The following LRBA variants were observed in gnomAD, a reference collection of about 807,000 sequenced individuals.
LRBA encodes LPS responsive beige-like anchor protein, also known as lipopolysaccharide-responsive and beige-like anchor protein.
In LRBA, 176 loss-of-function variants were observed where a neutral mutation model predicts 330.0. The ratio of observed to expected loss-of-function variants is 0.53; its 90% CI spans 0.47 to 0.60. The LOEUF is 0.60. LRBA is among the 20% of genes least tolerant of loss of function. The pLI is 0.00. For missense variants in LRBA, 3,259 were observed against 3,444.8 expected (o/e 0.95, Z 1.35); for synonymous variants, 1,230 against 1,193.0 (o/e 1.03, Z -0.64).
intron 40 of LRBA, among the ~76,000 whole-genome samples, chr4:150,522,638 G>A (rs1160667): frequency 0.99 from 151,386 of 152,310 alleles, 75,241 homozygotes; most frequent in Middle Eastern, 1. Context: ...TCCGCTTCCC[G>A]CATTCCAGTA....
At chr4:150,879,147 C>T (rs62344579) in intron 17 of LRBA, among the ~76,000 whole-genome samples, 12,644 of 152,094 alleles carry the variant, frequency 0.083, 893 homozygotes, top group African/African-American at 0.2. Context: ...CCAAATCCAG[C>T]AACACATCAA....
At chr4:150,612,969 G>A (rs1233865438) in intron 37 of LRBA, among the ~76,000 whole-genome samples, 1 of 152,132 alleles carries the variant, frequency 6.6e-6, no homozygotes, top group Non-Finnish European at 1.5e-5. Context: ...ACACAAAGAA[G>A]ACGATGACAT....
intron 36 of LRBA, among the ~76,000 whole-genome samples, chr4:150,708,016 C>A (rs1296116418): frequency 6.6e-6 from 1 of 151,750 alleles, no homozygotes; most frequent in African/African-American, 2.4e-5. Context: ...ATCAAAACTA[C>A]TCTTAACAAT....
intron 37 of LRBA, among the ~76,000 whole-genome samples, chr4:150,641,895 C>T (rs1193073783): frequency 6.6e-6 from 1 of 151,976 alleles, no homozygotes; most frequent in Non-Finnish European, 1.5e-5. Context: ...CTATTACTGC[C>T]TCTCATGAAT....
chr4:150,765,729 A>G (rs1197807315), intron 34 of LRBA, among the ~76,000 whole-genome samples: 1 of 152,126 alleles, frequency 6.6e-6, no homozygotes, highest in African/African-American at 2.4e-5. Flanking sequence ...AGATAACAGC[A>G]GAAAGACCCA....
chr4:150,307,484 C>A (rs1236010706), intron 52 of LRBA, among the ~76,000 whole-genome samples: 2 of 151,352 alleles, frequency 1.3e-5, no homozygotes, highest in Non-Finnish European at 2.9e-5. Flanking sequence ...AATATGAAGT[C>A]CAAAAGAATA....
chr4:150,531,140 T>C lies in LRBA; in HGVS notation c.6331-40105A>G, dbSNP rs963267215. Among the ~76,000 whole-genome samples the C allele has an allele frequency of 3.3e-5, 5 of 152,220 alleles. No homozygotes were observed. The East Asian group carries it at 5.8e-4, about 18-fold the overall frequency. ...GGAAGGTACATAAGATCAAGGACTT[T>C]TGTCCTCATTGGCATATCTCCAGAG... On this transcript the variant is annotated intron_variant, in intron 40 of 56. Coordinates refer to ENST00000651943, the MANE Select transcript of LRBA (RefSeq NM_001364905.1).
chr4:150,391,482 GATCA>G (rs1743921104), intron 47 of LRBA, among the ~76,000 whole-genome samples: 1 of 152,156 alleles, frequency 6.6e-6, no homozygotes, highest in Non-Finnish European at 1.5e-5. Context: ...AGCCCTAAAA[GATCA>G]ATTACACTCA....
intron 34 of LRBA, among the ~76,000 whole-genome samples, chr4:150,783,834 A>C (rs1738621364): frequency 6.6e-6 from 1 of 152,250 alleles, no homozygotes; most frequent in African/African-American, 2.4e-5. Flanking sequence ...GCATGGAAAT[A>C]AGTATAAATG....
intron 26 of LRBA, among the ~76,000 whole-genome samples, chr4:150,848,518 C>T (rs1003243211): frequency 2.0e-5 from 3 of 147,526 alleles, no homozygotes; most frequent in Non-Finnish European, 3.0e-5. Context: ...ATTTTGACAC[C>T]AGCCTTGGCA....
At chr4:150,956,457 C>T (rs1227229400) in intron 2 of LRBA, among the ~76,000 whole-genome samples, 1 of 148,878 alleles carries the variant, frequency 6.7e-6, no homozygotes, top group East Asian at 1.9e-4. Flanking sequence ...CATTTAAAGA[C>T]AAATTAATAC....
At chr4:150,549,776 A>G (rs1167989619) in intron 40 of LRBA, among the ~76,000 whole-genome samples, 1 of 152,260 alleles carries the variant, frequency 6.6e-6, no homozygotes, top group African/African-American at 2.4e-5. Context: ...GTCTGTCCCA[A>G]ATCACTACAG....
chr4:150,903,749 A>G (rs982760615), intron 13 of LRBA, among the ~76,000 whole-genome samples: 3 of 152,210 alleles, frequency 2.0e-5, no homozygotes, highest in Non-Finnish European at 4.4e-5. Flanking sequence ...AACAGAATTT[A>G]GTAGCAACGT....
rs867746792 is a variant in LRBA at position 150,559,691 on chromosome 4, A to G, written c.6330+28357T>C. On this transcript the variant is annotated intron_variant, in intron 40 of 56. Transcript: ENST00000651943. ...TATATATTATATAATATATTATATTATATATTATATATTATATAATATTAT... is the reference window on the plus strand; with the variant it reads ...TATATATTATATAATATATTATATTGTATATTATATATTATATAATATTAT... 1.1e-4 allele frequency among the ~76,000 whole-genome samples: 10 copies of G among 89,986 alleles called. No homozygotes were observed. In the East Asian group the frequency reaches 2.7e-3, roughly 25 times the overall value. 59.0% of individuals were successfully genotyped at this position (89,986 alleles called of 152,430 possible).
chr4:150,538,250 C>T (rs1258850734), intron 40 of LRBA, among the ~76,000 whole-genome samples: 1 of 152,110 alleles, frequency 6.6e-6, no homozygotes, highest in Non-Finnish European at 1.5e-5. Flanking sequence ...GAACTGAAAA[C>T]AGAACTACCA....
chr4:150,777,889 G>A (rs1212092107), intron 34 of LRBA, among the ~76,000 whole-genome samples: 4 of 142,622 alleles, frequency 2.8e-5, no homozygotes, highest in Non-Finnish European at 4.5e-5. Context: ...CAGGAGAATC[G>A]CTTGAACCCA....
chr4:150,362,277 A>G (rs1329868265), intron 47 of LRBA, among the ~76,000 whole-genome samples: 23 of 152,100 alleles, frequency 1.5e-4, no homozygotes, highest in Admixed American at 1.5e-3. Flanking sequence ...ATCAGACAAT[A>G]AGCCTCCTAA....
chr4:150,418,224 C>T (rs940622798), intron 46 of LRBA, among the ~76,000 whole-genome samples: 1 of 151,900 alleles, frequency 6.6e-6, no homozygotes, highest in Non-Finnish European at 1.5e-5. Flanking sequence ...GGCTATGTTG[C>T]CCAGGCTAGT....
At chr4:150,616,597 G>T (rs916871939) in intron 37 of LRBA, among the ~76,000 whole-genome samples, 1 of 152,092 alleles carries the variant, frequency 6.6e-6, no homozygotes, top group African/African-American at 2.4e-5. Flanking sequence ...ATGACTATTG[G>T]ATTTAACAAT....
Sources: gnomAD v4.1 joint callset for allele counts (sites outside exome capture counted in the v4.1 genomes callset) on GRCh38, gnomAD v4.1.1 for gene constraint, MANE v1.5 for transcripts, NCBI Gene and HGNC (gene_info 2026-07-23, HGNC 2026-07-21) for gene names.